GRIK4: variants seen among roughly 807,000 people sequenced by gnomAD.
GRIK4 encodes glutamate ionotropic receptor kainate type subunit 4, also known as glutamate receptor ionotropic, kainate 4.
GRIK4 carries 40 observed loss-of-function variants against 104.9 expected under a neutral mutation model. That is an observed-to-expected ratio of 0.38 (90% CI 0.30 to 0.50). GRIK4 has a LOEUF of 0.50. Ranked by LOEUF, GRIK4 falls within the 20% of genes least tolerant of loss-of-function variation. The probability of loss-of-function intolerance (pLI) is 0.93; values close to 1 mark genes in which losing one functional copy is unlikely to be tolerated. For missense variants in GRIK4, 1,047 were observed against 1,308.1 expected, an observed-to-expected ratio of 0.80 and a Z score of 3.08; for synonymous variants, 485 against 524.9, an observed-to-expected ratio of 0.92 and a Z score of 1.04.
At chr11:120,619,095 C>G (rs570119687) in intron 1 of GRIK4, among the ~76,000 whole-genome samples, 1 of 152,300 alleles carries the variant, frequency 6.6e-6, no homozygotes, top group African/African-American at 2.4e-5. Flanking sequence ...GGGCTGAACC[C>G]TGCAGAGCCA....
intron 14 of GRIK4, among the ~76,000 whole-genome samples, chr11:120,951,578 C>G (rs754614030): frequency 6.6e-6 from 1 of 152,220 alleles, no homozygotes; most frequent in Non-Finnish European, 1.5e-5. Context: ...ATTTTCAGTC[C>G]TATCCATGGA....
At chr11:120,936,701 A>G (rs909579745) in intron 13 of GRIK4, 5 of 151,466 alleles carry the variant, frequency 3.3e-5, no homozygotes, top group East Asian at 3.9e-4. Flanking sequence ...CCCATTTCCC[A>G]TCTGGTTCTC....
At chr11:120,848,017 G>C (rs1953891357) in intron 8 of GRIK4, among the ~76,000 whole-genome samples, 1 of 152,220 alleles carries the variant, frequency 6.6e-6, no homozygotes, top group Non-Finnish European at 1.5e-5. Flanking sequence ...GTGCCAGCTA[G>C]GAATAAGTAT....
At chr11:120,812,132 G>A (rs1046288605) in intron 4 of GRIK4, among the ~76,000 whole-genome samples, 3 of 152,242 alleles carry the variant, frequency 2.0e-5, no homozygotes, top group Admixed American at 6.5e-5. Flanking sequence ...GTAGACGTAG[G>A]AAGGAAGGGC....
intron 9 of GRIK4, chr11:120,871,804 G>A (rs1954617947): frequency 2.2e-6 from 1 of 456,384 alleles, no homozygotes; most frequent in Non-Finnish European, 4.4e-6. Context: ...AAGAGAGGGA[G>A]GGAGAGAGAG....
At chr11:120,844,501 G>A (rs1334645365) in intron 8 of GRIK4, among the ~76,000 whole-genome samples, 1 of 152,184 alleles carries the variant, frequency 6.6e-6, no homozygotes, top group Admixed American at 6.5e-5. Context: ...AATATTGTAT[G>A]AGTGAAGGGA....
At chr11:120,851,689 CAT>C (rs1953977839) in intron 8 of GRIK4, among the ~76,000 whole-genome samples, 1 of 152,142 alleles carries the variant, frequency 6.6e-6, no homozygotes, top group African/African-American at 2.4e-5. Context: ...ATCTGTTATG[CAT>C]ATCCCTGCCC....
intron 12 of GRIK4, among the ~76,000 whole-genome samples, chr11:120,899,898 G>T (rs1403290802): frequency 6.6e-6 from 1 of 152,204 alleles, no homozygotes; most frequent in African/African-American, 2.4e-5. Context: ...TGCTAACTGT[G>T]CAAGGTCTGC....
chr11:120,881,298 A>G (rs906430942), intron 11 of GRIK4, among the ~76,000 whole-genome samples: 2 of 152,282 alleles, frequency 1.3e-5, no homozygotes, highest in Non-Finnish European at 2.9e-5. Flanking sequence ...GGATCAATTA[A>G]TTATTCCACT....
At chr11:120,666,457 C>T (rs1052591306) in intron 3 of GRIK4, among the ~76,000 whole-genome samples, 5 of 152,194 alleles carry the variant, frequency 3.3e-5, no homozygotes, top group Non-Finnish European at 4.4e-5. Flanking sequence ...GCTCACAAAA[C>T]GAGGCAGAGC....
intron 3 of GRIK4, among the ~76,000 whole-genome samples, chr11:120,681,661 G>A (rs142170535): frequency 2.6e-5 from 4 of 152,328 alleles, no homozygotes; most frequent in East Asian, 3.9e-4. Flanking sequence ...GAACAGCGGC[G>A]GCCCACTTAG....
intron 11 of GRIK4, chr11:120,894,865 G>A (rs1942532540): frequency 6.6e-6 from 1 of 152,182 alleles, no homozygotes; most frequent in Non-Finnish European, 1.5e-5. Context: ...TGTATCCCAG[G>A]GCGCCTGGCT....
At chr11:120,636,152 A>G (rs568134578) in intron 1 of GRIK4, among the ~76,000 whole-genome samples, 1 of 152,140 alleles carries the variant, frequency 6.6e-6, no homozygotes, top group Non-Finnish European at 1.5e-5. Flanking sequence ...ACTACAGTTT[A>G]TTCTATGGTT....
At chr11:120,715,835 T>C (rs1950821502) in intron 3 of GRIK4, among the ~76,000 whole-genome samples, 1 of 152,070 alleles carries the variant, frequency 6.6e-6, no homozygotes, top group Non-Finnish European at 1.5e-5. Flanking sequence ...AAGCAGAAAA[T>C]AGGACGCAGC....
chr11:120,527,537 CT>C (rs1156844020), intron 1 of GRIK4, among the ~76,000 whole-genome samples: 2 of 152,212 alleles, frequency 1.3e-5, no homozygotes, highest in Admixed American at 1.3e-4. Flanking sequence ...GATTTATCTC[CT>C]CCCAGAGGCC....
At chr11:120,681,441 G>T (rs1003830161) in intron 3 of GRIK4, among the ~76,000 whole-genome samples, 30 of 152,120 alleles carry the variant, frequency 2.0e-4, no homozygotes, top group Admixed American at 1.9e-3. Context: ...CAGGTGCTGC[G>T]CCTTTAGCCT....
chr11:120,758,200 C>T (rs571549724), intron 3 of GRIK4, among the ~76,000 whole-genome samples: 1 of 152,270 alleles, frequency 6.6e-6, no homozygotes, highest in South Asian at 2.1e-4. Context: ...CTCTCTTTCA[C>T]TCTGCTTCAT....
intron 18 of GRIK4, among the ~76,000 whole-genome samples, chr11:120,963,997 T>TTATTTATTTATTTA (rs10623083): frequency 0.04 from 5,875 of 146,290 alleles, 223 homozygotes; most frequent in African/African-American, 0.081. Context: ...ATTTATTTAT[T>TTATTTATTTATTTA]TTTATTTATT....
intron 6 of GRIK4, among the ~76,000 whole-genome samples, chr11:120,826,062 C>T (rs111932453): frequency 0.052 from 7,860 of 152,260 alleles, 231 homozygotes; most frequent in Middle Eastern, 0.092. Context: ...GCACTTACTA[C>T]GTGCCCAACA....
Sources: allele counts gnomAD v4.1 joint callset (sites outside exome capture counted in the v4.1 genomes callset), GRCh38; gene constraint gnomAD v4.1.1; transcripts MANE v1.5; gene names NCBI Gene and HGNC (gene_info 2026-07-23, HGNC 2026-07-21).